PARD3: variants seen among roughly 807,000 people sequenced by gnomAD.
PARD3 encodes partitioning defective 3 homolog.
A neutral mutation model predicts 155.4 loss-of-function variants in PARD3; 75 were observed. That is an observed-to-expected ratio of 0.48 (90% CI 0.40 to 0.58). The LOEUF (loss-of-function observed/expected upper bound fraction) is 0.58, where lower values mean the gene tolerates loss of function less well. Among genes scored for constraint, PARD3 ranks in the 20% least tolerant of loss-of-function variants. The pLI, the probability that PARD3 is intolerant of heterozygous loss-of-function variation, is 0.00. For synonymous variants in PARD3, 576 were observed against 610.5 expected, an observed-to-expected ratio of 0.94 and a Z score of 0.83; for missense variants, 1,642 against 1,721.7, an observed-to-expected ratio of 0.95 and a Z score of 0.82.
intron 22 of PARD3, among the ~76,000 whole-genome samples, chr10:34,190,106 A>C (rs1282598468): frequency 6.6e-6 from 1 of 152,210 alleles, no homozygotes; most frequent in Non-Finnish European, 1.5e-5. Flanking sequence ...AAGAGAGATG[A>C]GCGGTTTTAA....
chr10:34,567,289 T>C lies in PARD3; in HGVS notation c.223-50130A>G, dbSNP rs527898432. On this transcript the variant is annotated intron_variant, in intron 2 of 24. Transcript: ENST00000374788. ...CTGCATGTGTTCTAAAAATAAATGCTAATCCACTATACAATTTTTTAAAAA... is the reference window on the plus strand; with the variant it reads ...CTGCATGTGTTCTAAAAATAAATGCCAATCCACTATACAATTTTTTAAAAA... 7.2e-5 allele frequency among the ~76,000 whole-genome samples: 11 copies of C among 152,350 alleles called. No homozygotes were observed. In the East Asian group the frequency reaches 2.1e-3, roughly 29 times the overall value.
At chr10:34,138,962 C>CAA (rs57894468) in intron 22 of PARD3, among the ~76,000 whole-genome samples, 36,686 of 144,288 alleles carry the variant, frequency 0.25, 4,962 homozygotes, top group Non-Finnish European at 0.3. Context: ...TACCACACTC[C>CAA]AAAAAAAAAA....
At position 34,200,401 on chromosome 10, in the gene PARD3, A is replaced by G. The variant is rs188887192; in HGVS notation, c.3420-68818T>C. Reference sequence around the variant, plus strand: ...GGCTGATATTTGTGGTTGCTGCCCAATGGAACTTTTGCCAAAGACTGAAGA... The same window carrying G: ...GGCTGATATTTGTGGTTGCTGCCCAGTGGAACTTTTGCCAAAGACTGAAGA... On this transcript the variant is annotated intron_variant, in intron 22 of 24. Coordinates refer to ENST00000374788, the MANE Select transcript of PARD3 (RefSeq NM_001184785.2). 1.1e-4 allele frequency among the ~76,000 whole-genome samples: 17 copies of G among 152,260 alleles called. No homozygotes were observed. The East Asian group carries it at 1.4e-3, about 12-fold the overall frequency.
intron 2 of PARD3, among the ~76,000 whole-genome samples, chr10:34,675,024 G>A (rs2093678739): frequency 6.6e-6 from 1 of 152,030 alleles, no homozygotes. Flanking sequence ...AATTTGCTTT[G>A]CTTCTTACCT....
At chr10:34,326,009 T>A (rs1437256019) in intron 19 of PARD3, among the ~76,000 whole-genome samples, 1 of 151,698 alleles carries the variant, frequency 6.6e-6, no homozygotes, top group East Asian at 1.9e-4. Flanking sequence ...TAATTCCAGT[T>A]ACTTGGGAGG....
rs2134369944 is a variant in PARD3 at position 34,348,154 on chromosome 10, A to G, written c.2068-39T>C. Reference sequence around the variant, plus strand: ...GGTATGGGGGCAAAGAAAAATCAGTACCTGGAGGCCAATTAGCAGCATGGG... The same window carrying G: ...GGTATGGGGGCAAAGAAAAATCAGTGCCTGGAGGCCAATTAGCAGCATGGG... On this transcript the variant is annotated intron_variant, in intron 14 of 24. Coordinates refer to ENST00000374788, the MANE Select transcript of PARD3 (RefSeq NM_001184785.2). 5 of 1,549,686 alleles carry G rather than the reference A, an allele frequency of 3.2e-6. No homozygotes were observed. The East Asian group carries it at 9.3e-5, about 29-fold the overall frequency.
At chr10:34,256,411 G>A (rs1371132674) in intron 22 of PARD3, among the ~76,000 whole-genome samples, 2 of 152,234 alleles carry the variant, frequency 1.3e-5, no homozygotes, top group African/African-American at 4.8e-5. Flanking sequence ...CCGGAGCAGG[G>A]CCAGGCTGGC....
At chr10:34,756,897 C>T (rs979474608) in intron 1 of PARD3, among the ~76,000 whole-genome samples, 5 of 152,132 alleles carry the variant, frequency 3.3e-5, no homozygotes, top group African/African-American at 7.2e-5. Flanking sequence ...CTTTCTTCTC[C>T]GAAAATTTTC....
chr10:34,563,566 T>C (rs1477190124), intron 2 of PARD3, among the ~76,000 whole-genome samples: 2 of 151,280 alleles, frequency 1.3e-5, no homozygotes, highest in East Asian at 2.0e-4. Context: ...AGTCTTGCTA[T>C]GTCACCCAGG....
chr10:34,217,397 C>T (rs1774023153), intron 22 of PARD3, among the ~76,000 whole-genome samples: 1 of 152,136 alleles, frequency 6.6e-6, no homozygotes, highest in African/African-American at 2.4e-5. Context: ...TGTAAAAACA[C>T]TCCCTTTGTA....
chr10:34,557,712 C>A (rs1316187862), intron 2 of PARD3, among the ~76,000 whole-genome samples: 1 of 152,008 alleles, frequency 6.6e-6, no homozygotes, highest in Non-Finnish European at 1.5e-5. Flanking sequence ...CCTGCCTTAG[C>A]CTCCCAAAGT....
chr10:34,561,776 C>T lies in PARD3; in HGVS notation c.223-44617G>A, dbSNP rs533767864. Among the ~76,000 whole-genome samples the T allele has an allele frequency of 4.6e-4, 70 of 151,864 alleles. 1 individual carries two copies. The South Asian group carries it at 0.011, about 24-fold the overall frequency. ...CAGGTGATCCGCCCACCTCGGCCTC[C>T]CAAAGTGCTGGGATTACAGGCATGA... is the stretch of plus-strand genomic sequence containing the variant. On this transcript the variant is annotated intron_variant, in intron 2 of 24. Coordinates refer to ENST00000374788, the MANE Select transcript of PARD3 (RefSeq NM_001184785.2).
intron 1 of PARD3, among the ~76,000 whole-genome samples, chr10:34,790,791 A>G (rs1841531185): frequency 6.6e-6 from 1 of 152,226 alleles, no homozygotes; most frequent in African/African-American, 2.4e-5. Flanking sequence ...CATTTCTTTA[A>G]TCTGTGAAGT....
chr10:34,337,321 T>A lies in PARD3; in HGVS notation c.2514A>T (p.Gln838His), dbSNP rs1410458691. ...KRTKQFSDAS[Q>H]LDFVKTRKSK... ...ATTTTCGTGTTTTAACGAAATCCAATTGACTGGCATCTGAAAATTGCTTTG... is the reference window on the plus strand; with the variant it reads ...ATTTTCGTGTTTTAACGAAATCCAAATGACTGGCATCTGAAAATTGCTTTG... Residue 838 changes from glutamine to histidine, a missense_variant, in exon 17 of 25, where the codon CAA (glutamine) becomes CAT (histidine). Around this residue, in one of 3 missense-constraint regions of PARD3, gnomAD observed 1,529 missense variants for 1,587.3 expected, o/e 0.96. Coordinates refer to ENST00000374788, the MANE Select transcript of PARD3 (RefSeq NM_001184785.2). 1.2e-6 allele frequency: 2 copies of A among 1,602,478 alleles called. No individual in the cohort carries two copies. Among genetic ancestry groups the A allele is most frequent in the African/African-American group, 2.7e-5 (2 of 74,172 alleles).
intron 2 of PARD3, among the ~76,000 whole-genome samples, chr10:34,636,429 T>A (rs1381405115): frequency 2.0e-5 from 3 of 152,164 alleles, no homozygotes; most frequent in African/African-American, 7.2e-5. Context: ...ATTCACTGGG[T>A]GCCCCCTGTC....
chr10:34,680,494 G>C (rs1265719103), intron 2 of PARD3, among the ~76,000 whole-genome samples: 3 of 150,972 alleles, frequency 2.0e-5, no homozygotes, highest in Non-Finnish European at 4.4e-5. Context: ...AGGAGGTGGA[G>C]GTTGCAGTGA....
chr10:34,570,081 CTATAA>C (rs1164480691), intron 2 of PARD3, among the ~76,000 whole-genome samples: 1 of 152,106 alleles, frequency 6.6e-6, no homozygotes, highest in African/African-American at 2.4e-5. Flanking sequence ...CTATCTAATC[CTATAA>C]TAAGTAAAGA....
chr10:34,314,311 C>A (rs1006967055), intron 20 of PARD3, among the ~76,000 whole-genome samples: 8 of 152,168 alleles, frequency 5.3e-5, no homozygotes, highest in African/African-American at 1.9e-4. Flanking sequence ...AAAAATCTAA[C>A]AATGCTTTAA....
chr10:34,615,946 T>C (rs1269881934), intron 2 of PARD3, among the ~76,000 whole-genome samples: 2 of 152,174 alleles, frequency 1.3e-5, no homozygotes, highest in East Asian at 3.8e-4. Flanking sequence ...AAATAACAGA[T>C]GCTGGTGAGG....
Sources: allele counts gnomAD v4.1 joint callset (sites outside exome capture counted in the v4.1 genomes callset), GRCh38; gene constraint gnomAD v4.1.1; regional missense constraint gnomAD v4.1.1; transcripts MANE v1.5; gene names NCBI Gene and HGNC (gene_info 2026-07-23, HGNC 2026-07-21).